Variants in UNC13C observed in about 807,000 individuals in gnomAD.
UNC13C encodes protein unc-13 homolog C.
A neutral mutation model predicts 245.4 loss-of-function variants in UNC13C; 174 were observed. The ratio of observed to expected loss-of-function variants is 0.71; its 90% CI spans 0.63 to 0.80. The LOEUF (loss-of-function observed/expected upper bound fraction) is 0.80, where lower values mean the gene tolerates loss of function less well. Among genes scored for constraint, UNC13C ranks in the 30% least tolerant of loss-of-function variants. The pLI is 0.00. For synonymous variants in UNC13C, 992 were observed against 895.1 expected, an observed-to-expected ratio of 1.11 and a Z score of -1.93; for missense variants, 2,829 against 2,602.9, an observed-to-expected ratio of 1.09 and a Z score of -1.89.
chr15:54,501,737 G>A (rs1032662388), intron 22 of UNC13C, among the ~76,000 whole-genome samples: 11 of 152,126 alleles, frequency 7.2e-5, no homozygotes, highest in East Asian at 1.9e-4. Flanking sequence ...GATGAGAGCC[G>A]AAATAGACAG....
chr15:53,868,543 G>C, the UNC13C span, among the ~76,000 whole-genome samples: 3 of 152,150 alleles, frequency 2.0e-5, no homozygotes, highest in Non-Finnish European at 4.4e-5. Context: ...GCTCCCCACA[G>C]GGTTCTTCTC....
intron 30 of UNC13C, among the ~76,000 whole-genome samples, chr15:54,582,815 G>A (rs2095342910): frequency 6.6e-6 from 1 of 152,096 alleles, no homozygotes; most frequent in South Asian, 2.1e-4. Flanking sequence ...AGTACCAGCT[G>A]AAACAATTTT....
the UNC13C span, among the ~76,000 whole-genome samples, chr15:53,893,833 C>T: frequency 7.2e-5 from 11 of 152,222 alleles, no homozygotes; most frequent in African/African-American, 2.7e-4. Context: ...GGGTCCCTGG[C>T]TTCAGCACCC....
intron 25 of UNC13C, 112 bp downstream of exon 25, chr15:54,525,749 C>A (rs762139582): frequency 8.2e-6 from 7 of 856,910 alleles, no homozygotes; most frequent in Non-Finnish European, 1.3e-5. Context: ...AACTTCAAGA[C>A]CCAATCTAAA....
intron 2 of UNC13C, among the ~76,000 whole-genome samples, chr15:54,029,477 A>G (rs532184106): frequency 6.6e-6 from 1 of 152,372 alleles, no homozygotes; most frequent in East Asian, 1.9e-4. Flanking sequence ...TGATACTCAT[A>G]TTATCATTCA....
At chr15:54,040,783 T>C (rs777284481) in intron 2 of UNC13C, among the ~76,000 whole-genome samples, 6 of 152,228 alleles carry the variant, frequency 3.9e-5, no homozygotes, top group African/African-American at 1.2e-4. Flanking sequence ...TAACAGTGTC[T>C]GCAACTGAGC....
intron 2 of UNC13C, among the ~76,000 whole-genome samples, chr15:54,138,430 T>C (rs950934766): frequency 1.6e-5 from 1 of 60,876 alleles, no homozygotes; most frequent in Non-Finnish European, 3.6e-5. Flanking sequence ...TATATATAAC[T>C]GTTTTTGTTT....
intron 17 of UNC13C, among the ~76,000 whole-genome samples, chr15:54,392,276 A>G (rs1231711237): frequency 6.6e-6 from 1 of 152,128 alleles, no homozygotes; most frequent in African/African-American, 2.4e-5. Flanking sequence ...TATGTGAAAC[A>G]TTCAAGATTG....
At chr15:54,313,800 A>G (rs1937230434) in intron 13 of UNC13C, among the ~76,000 whole-genome samples, 1 of 151,814 alleles carries the variant, frequency 6.6e-6, no homozygotes, top group Non-Finnish European at 1.5e-5. Flanking sequence ...AGTAAATAAA[A>G]TCATTATGTC....
Position 54,398,474 on chromosome 15 carries a change from A to G in UNC13C, c.4847+5293A>G, listed in dbSNP as rs541161785. 5.7e-4 allele frequency among the ~76,000 whole-genome samples: 87 copies of G among 151,482 alleles called. No individual in the cohort carries two copies. The Middle Eastern group carries it at 0.01, about 18-fold the overall frequency. On this transcript the variant is annotated intron_variant, in intron 18 of 32. Transcript: ENST00000260323. ...TAATGATGGTTTTATAGAAAGAGTT[A>G]GACAGTATTTCCTCCAGTATAATTT...
chr15:54,269,107 GC>G (rs139864631), intron 10 of UNC13C, among the ~76,000 whole-genome samples: 3,770 of 151,438 alleles, frequency 0.025, 152 homozygotes, highest in African/African-American at 0.087. Context: ...TGCACAACGT[GC>G]AGCAAACTAT....
intron 4 of UNC13C, among the ~76,000 whole-genome samples, chr15:54,234,794 A>G (rs908211562): frequency 1.3e-5 from 2 of 152,294 alleles, no homozygotes; most frequent in Non-Finnish European, 2.9e-5. Context: ...GGCCATGTAT[A>G]TCTTAAATTT....
At chr15:53,903,288 G>C in the UNC13C span, among the ~76,000 whole-genome samples, 1 of 152,158 alleles carries the variant, frequency 6.6e-6, no homozygotes, top group African/African-American at 2.4e-5. Context: ...GTAAATAAAA[G>C]GGCTCAGACA....
At chr15:54,498,257 G>A (rs1462470255) in intron 20 of UNC13C, among the ~76,000 whole-genome samples, 1 of 151,816 alleles carries the variant, frequency 6.6e-6, no homozygotes, top group Admixed American at 6.6e-5. Flanking sequence ...GGAACACATG[G>A]TACATTTACC....
At chr15:54,234,234 A>T (rs2035628501) in intron 4 of UNC13C, among the ~76,000 whole-genome samples, 1 of 119,094 alleles carries the variant, frequency 8.4e-6, no homozygotes, top group African/African-American at 3.7e-5. Context: ...GTACACTCCC[A>T]TGTCAGTATA....
At chr15:54,525,270 C>A (rs1895395481) in intron 24 of UNC13C, among the ~76,000 whole-genome samples, 1 of 152,062 alleles carries the variant, frequency 6.6e-6, no homozygotes, top group South Asian at 2.1e-4. Flanking sequence ...TCATGCCTTG[C>A]ATCTCATTGC....
intron 30 of UNC13C, among the ~76,000 whole-genome samples, chr15:54,570,129 C>T (rs1362204907): frequency 2.0e-5 from 3 of 152,154 alleles, no homozygotes; most frequent in South Asian, 2.1e-4. Context: ...GCTGGTCTCT[C>T]GTGTGTGTTT....
At chr15:54,256,094 C>A (rs1385031074) in intron 8 of UNC13C, among the ~76,000 whole-genome samples, 1 of 152,140 alleles carries the variant, frequency 6.6e-6, no homozygotes, top group African/African-American at 2.4e-5. Flanking sequence ...CTTATTGCAA[C>A]TATAATGTTT....
At chr15:54,207,130 GTGA>G (rs11458939) in intron 4 of UNC13C, among the ~76,000 whole-genome samples, 126 of 150,594 alleles carry the variant, frequency 8.4e-4, no homozygotes, top group African/African-American at 2.7e-3. Context: ...GATGATGATG[GTGA>G]TGATGATGAT....
Sources: gnomAD v4.1 joint callset for allele counts (sites outside exome capture counted in the v4.1 genomes callset) on GRCh38, gnomAD v4.1.1 for gene constraint, MANE v1.5 for transcripts, NCBI Gene and HGNC (gene_info 2026-07-23, HGNC 2026-07-21) for gene names.